Variants in MAST4 observed in about 807,000 individuals in gnomAD.
The protein encoded by MAST4 is microtubule-associated serine/threonine-protein kinase 4.
In MAST4, 89 loss-of-function variants were observed where a neutral mutation model predicts 162.7. That is an observed-to-expected ratio of 0.55 (90% confidence interval 0.46 to 0.65). The LOEUF (loss-of-function observed/expected upper bound fraction) is 0.65. MAST4 is among the 30% of genes least tolerant of loss of function. MAST4 has a pLI of 0.00. For missense variants in MAST4, 3,153 were observed against 3,374.0 expected, an observed-to-expected ratio of 0.93 and a Z score of 1.62; for synonymous variants, 1,479 against 1,361.1, an observed-to-expected ratio of 1.09 and a Z score of -1.91.
intron 1 of MAST4, among the ~76,000 whole-genome samples, chr5:66,617,156 G>T (rs2149402011): frequency 6.6e-6 from 1 of 152,290 alleles, no homozygotes; most frequent in African/African-American, 2.4e-5. Flanking sequence ...ACCAGGAGCA[G>T]TATCTCATTA....
chr5:66,605,556 A>G (rs921578863), intron 1 of MAST4, among the ~76,000 whole-genome samples: 2 of 152,178 alleles, frequency 1.3e-5, no homozygotes, highest in Non-Finnish European at 2.9e-5. Context: ...AAAATACTAC[A>G]TTGGTAAATT....
intron 5 of MAST4, among the ~76,000 whole-genome samples, chr5:67,061,081 C>T (rs2150592354): frequency 6.6e-6 from 1 of 152,180 alleles, no homozygotes; most frequent in East Asian, 1.9e-4. Flanking sequence ...AATATAAATC[C>T]TCTATTAACC....
rs1018406967 is a variant in MAST4, at chr5:66,959,240, T to A, written c.674+59258T>A. On this transcript the variant is annotated intron_variant, in intron 4 of 28. Transcript: ENST00000403625. ...GGTTACAATAGAGTGTGCTAACATA[T>A]AACAACCATGAAAGCCCAGCGGGAA... The A allele has an allele frequency of 5.1e-6, 4 of 779,572 alleles. No individual in the cohort carries two copies. The African/African-American group carries it at 6.8e-5, about 13-fold the overall frequency. The allele number at this position is 779,572 out of a possible 1,614,324, so 48.3% of individuals were successfully genotyped here.
intron 4 of MAST4, among the ~76,000 whole-genome samples, chr5:66,968,723 GAGAA>G (rs1262136180): frequency 6.6e-6 from 1 of 152,104 alleles, no homozygotes; most frequent in African/African-American, 2.4e-5. Flanking sequence ...CTGGCACCTT[GAGAA>G]AAAGGACTTA....
intron 1 of MAST4, chr5:66,738,091 G>A (rs1004138603): frequency 3.3e-5 from 5 of 152,218 alleles, no homozygotes; most frequent in Admixed American, 6.5e-5. Flanking sequence ...CCTATCAGTT[G>A]GGAAGGGTGA....
At chr5:66,916,836 T>C in intron 4 of MAST4, 2 of 583,690 alleles carry the variant, frequency 3.4e-6, no homozygotes, top group Non-Finnish European at 3.1e-6. Flanking sequence ...ATTATAGATA[T>C]ACCACATTTT....
Position 66,706,166 on chromosome 5 carries a change from C to T in MAST4, c.364-53543C>T, listed in dbSNP as rs78607550. Among the ~76,000 whole-genome samples, 1,031 of 152,214 alleles carry T rather than the reference C, an allele frequency of 6.8e-3. 2 individuals carry two copies. Among genetic ancestry groups the T allele is most frequent in the South Asian group, 0.029 (140 of 4,818 alleles). ...CCAGATGTTGCTAGTTAAGTTGATC[C>T]AGGGATATATCTTTAAGAAATATTG... On this transcript the variant is annotated intron_variant, in intron 1 of 28. Transcript: ENST00000403625.
chr5:66,902,313 A>G (rs1763063377), intron 4 of MAST4, among the ~76,000 whole-genome samples: 1 of 152,216 alleles, frequency 6.6e-6, no homozygotes, highest in Non-Finnish European at 1.5e-5. Context: ...CTGCTGCTTC[A>G]GATTGTATGT....
At chr5:66,784,737 G>A (rs1291526511) in intron 2 of MAST4, among the ~76,000 whole-genome samples, 1 of 152,186 alleles carries the variant, frequency 6.6e-6, no homozygotes, top group Non-Finnish European at 1.5e-5. Flanking sequence ...GAGGATGCAG[G>A]TCTTACGATA....
chr5:66,733,380 A>G (rs1751973997), intron 1 of MAST4, among the ~76,000 whole-genome samples: 1 of 152,022 alleles, frequency 6.6e-6, no homozygotes, highest in African/African-American at 2.4e-5. Context: ...CTTTCTTCAG[A>G]TAGATAATTT....
rs553994674 is a variant in MAST4 at position 66,625,391 on chromosome 5, C to T, written c.363+28373C>T. The stretch of plus-strand genomic sequence containing the variant: ...ACTGTAAATGCTGGCCTGTTACCCC[C>T]ATGACAGGGATATAACCCTTGTTGA... On this transcript the variant is annotated intron_variant, in intron 1 of 28. Transcript: ENST00000403625. 3.9e-5 allele frequency among the ~76,000 whole-genome samples: 6 copies of T among 152,310 alleles called. No individual in the cohort carries two copies. In the East Asian group the frequency reaches 1.2e-3, roughly 29 times the overall value.
chr5:67,144,456 GTACACACA>G (rs1042132537), intron 21 of MAST4, among the ~76,000 whole-genome samples: 1 of 60,564 alleles, frequency 1.7e-5, no homozygotes, highest in Non-Finnish European at 4.0e-5. Context: ...TCGTATATAT[GTACACACA>G]CACACACACA....
chr5:67,147,873 A>G (rs1561167453), intron 23 of MAST4, among the ~76,000 whole-genome samples: 1 of 152,206 alleles, frequency 6.6e-6, no homozygotes, highest in African/African-American at 2.4e-5. Flanking sequence ...TGTTGGTCAG[A>G]TGGGTGTTAT....
intron 1 of MAST4, among the ~76,000 whole-genome samples, chr5:66,658,676 G>A (rs529484836): frequency 3.9e-5 from 6 of 152,230 alleles, no homozygotes; most frequent in African/African-American, 1.4e-4. Context: ...CATTAGTGAC[G>A]TTTGCATGCC....
intron 4 of MAST4, among the ~76,000 whole-genome samples, chr5:66,904,751 T>G (rs1413522150): frequency 6.6e-6 from 1 of 152,234 alleles, no homozygotes; most frequent in African/African-American, 2.4e-5. Flanking sequence ...TTTAAAAAAT[T>G]TTTCCAACTC....
intron 15 of MAST4, 81 bp from the exon 16 acceptor site, chr5:67,131,732 C>T (rs1178869794): frequency 3.5e-6 from 5 of 1,428,822 alleles, no homozygotes; most frequent in Non-Finnish European, 3.9e-6. Flanking sequence ...GATGATTTCA[C>T]CTTGAAATTC....
chr5:66,818,441 A>AC (rs71610530), intron 3 of MAST4, among the ~76,000 whole-genome samples: 2 of 151,896 alleles, frequency 1.3e-5, no homozygotes, highest in Non-Finnish European at 2.9e-5. Context: ...AAAAAAAAAA[A>AC]CAGAACAGAT....
chr5:66,703,004 A>G (rs1749878517), intron 1 of MAST4, among the ~76,000 whole-genome samples: 1 of 152,068 alleles, frequency 6.6e-6, no homozygotes, highest in Admixed American at 6.6e-5. Context: ...ATGGGACCAG[A>G]ACCTGGACCT....
At chr5:67,063,711 A>G (rs1480983256) in intron 5 of MAST4, among the ~76,000 whole-genome samples, 1 of 152,034 alleles carries the variant, frequency 6.6e-6, no homozygotes, top group Non-Finnish European at 1.5e-5. Flanking sequence ...TTGCTTTTCA[A>G]TCACAATTTT....
Sources: allele counts gnomAD v4.1 joint callset (sites outside exome capture counted in the v4.1 genomes callset), GRCh38; gene constraint gnomAD v4.1.1; transcripts MANE v1.5; gene names NCBI Gene and HGNC (gene_info 2026-07-23, HGNC 2026-07-21).